The following ACER2 variants were observed in gnomAD, a reference collection of about 807,000 sequenced individuals.
ACER2 encodes the protein alkaline ceramidase 2.
Under a neutral mutation model 34.7 loss-of-function variants are expected in ACER2, and 26 were observed. The observed-to-expected ratio is 0.75, with a 90% CI of 0.55 to 1.04. The LOEUF is 1.04. ACER2 is among the 50% of genes least tolerant of loss of function. The pLI is 0.00. For synonymous variants in ACER2, 138 were observed against 132.1 expected, an observed-to-expected ratio of 1.04 and a Z score of -0.31; for missense variants, 352 against 340.8, an observed-to-expected ratio of 1.03 and a Z score of -0.26.
At chr9:19,421,166 A>G (rs954493634) in intron 1 of ACER2, among the ~76,000 whole-genome samples, 6 of 152,360 alleles carry the variant, frequency 3.9e-5, no homozygotes, top group African/African-American at 1.2e-4. Context: ...GAAAAGTATC[A>G]GGAAAAATGT....
chr9:19,410,006 G>T (rs1191786937), intron 1 of ACER2: 3 of 891,392 alleles, frequency 3.4e-6, no homozygotes, highest in South Asian at 1.0e-4. Context: ...CTTATTTTGT[G>T]TATGTCCATG....
chr9:19,409,276 G>C, intron 1 of ACER2, 84 bp downstream of exon 1: 2 of 1,356,206 alleles, frequency 1.5e-6, no homozygotes, highest in Non-Finnish European at 2.0e-6. Flanking sequence ...GCTGGACGTG[G>C]GTCTCTGCGC....
At chr9:19,430,319 T>C (rs961028946) in intron 3 of ACER2, among the ~76,000 whole-genome samples, 1 of 152,188 alleles carries the variant, frequency 6.6e-6, no homozygotes, top group African/African-American at 2.4e-5. Flanking sequence ...GATTAGAGAA[T>C]ACAGGAAGCA....
At position 19,446,953 on chromosome 9, in the gene ACER2, A is replaced by G. The variant is rs533051915; in HGVS notation, c.641+535A>G. The stretch of plus-strand genomic sequence containing the variant: ...TTTAATGTCACCCACCTGTTTCTGT[A>G]GAAAACAACCTTGGAGTTCAGTAAT... On this transcript the variant is annotated intron_variant, in intron 5 of 5. Transcript: ENST00000340967. 3.4e-4 allele frequency among the ~76,000 whole-genome samples: 52 copies of G among 152,290 alleles called. 1 individual carries two copies. The South Asian group carries it at 0.011, about 31-fold the overall frequency.
chr9:19,443,784 G>A (rs1195419601), intron 4 of ACER2, among the ~76,000 whole-genome samples: 1 of 151,896 alleles, frequency 6.6e-6, no homozygotes, highest in African/African-American at 2.4e-5. Context: ...AGCCTCCCAA[G>A]TAGCTGGGAT....
intron 3 of ACER2, among the ~76,000 whole-genome samples, chr9:19,429,772 G>C (rs1420342191): frequency 6.6e-6 from 1 of 152,206 alleles, no homozygotes; most frequent in Non-Finnish European, 1.5e-5. Flanking sequence ...CTTCCTGGAT[G>C]AGTTGAGGCT....
intron 4 of ACER2, among the ~76,000 whole-genome samples, chr9:19,445,922 G>C (rs899699864): frequency 2.0e-5 from 3 of 152,206 alleles, no homozygotes; most frequent in African/African-American, 7.2e-5. Flanking sequence ...GAGATATTTT[G>C]AAGGGAGAGC....
chr9:19,434,945 AG>A lies in ACER2; in HGVS notation c.368del, dbSNP rs1371797361. Reference sequence around the variant, plus strand: ...GATTTGGTTTTGCTTTCATGGATTCAGGGGTAGGTTCAAGGTGGTGGTCAGT... The same window carrying A: ...GATTTGGTTTTGCTTTCATGGATTCAGGGTAGGTTCAAGGTGGTGGTCAGT... On this transcript the variant is annotated splice_acceptor_variant, in intron 3 of 5. Coordinates refer to ENST00000340967, the MANE Select transcript of ACER2 (RefSeq NM_001010887.3). LOFTEE classifies it high-confidence loss of function. The A allele has an allele frequency of 6.2e-7, 1 of 1,613,136 alleles. No homozygotes were observed. Among genetic ancestry groups the A allele is most frequent in the African/African-American group, 1.3e-5 (1 of 74,912 alleles).
intron 1 of ACER2, among the ~76,000 whole-genome samples, chr9:19,423,511 G>C (rs573270016): frequency 1.4e-4 from 21 of 152,268 alleles, no homozygotes; most frequent in Middle Eastern, 3.4e-3. Flanking sequence ...AGACCAGCCC[G>C]GCCAACATGG....
rs73645403 is a variant in ACER2, at chr9:19,409,982, G to C, written c.108+790G>C. On this transcript the variant is annotated intron_variant, in intron 1 of 5. Coordinates refer to ENST00000340967, the MANE Select transcript of ACER2 (RefSeq NM_001010887.3). ...TGTGGTAGGGAAGGGTTGCAGCTGG[G>C]AGAGGAAATGCCTCTTATTTTGTGT... The C allele has an allele frequency of 7.3e-3, 7,059 of 963,038 alleles. 383 individuals carry two copies. The African/African-American group carries it at 0.12, about 16-fold the overall frequency. 59.7% of individuals were successfully genotyped at this position (963,038 alleles called of 1,614,324 possible).
At chr9:19,430,419 C>T (rs1830716468) in intron 3 of ACER2, among the ~76,000 whole-genome samples, 1 of 152,130 alleles carries the variant, frequency 6.6e-6, no homozygotes, top group Non-Finnish European at 1.5e-5. Context: ...TGTCATCAAT[C>T]ACAGTTTAGA....
chr9:19,425,017 A>T (rs1336423073), intron 3 of ACER2, among the ~76,000 whole-genome samples, 176 bp downstream of exon 3: 1 of 152,232 alleles, frequency 6.6e-6, no homozygotes, highest in Non-Finnish European at 1.5e-5. Context: ...AAACTGACAG[A>T]TTAAAGAGAG....
At chr9:19,429,725 A>G (rs1033928517) in intron 3 of ACER2, among the ~76,000 whole-genome samples, 1 of 152,326 alleles carries the variant, frequency 6.6e-6, no homozygotes, top group Non-Finnish European at 1.5e-5. Flanking sequence ...TTGAATAGCA[A>G]GGGAGCAGTC....
chr9:19,450,396 G>A, intron 5 of ACER2, 54 bp from the exon 6 acceptor site: 6 of 1,495,446 alleles, frequency 4.0e-6, no homozygotes, highest in Non-Finnish European at 4.5e-6. Flanking sequence ...GCTAAACTCA[G>A]GGCAGCGGAG....
chr9:19,410,338 T>C lies in ACER2; in HGVS notation c.108+1146T>C, dbSNP rs559242943. Among the ~76,000 whole-genome samples the C allele has an allele frequency of 7.6e-4, 116 of 152,306 alleles. 2 individuals carry two copies. The South Asian group carries it at 0.023, about 30-fold the overall frequency. On this transcript the variant is annotated intron_variant, in intron 1 of 5. Transcript: ENST00000340967. ...ACAATCCAGAAGTCTGGGCCCTTCC[T>C]TCCCTCAGTGCTGAAATCCATGGCT...
At chr9:19,437,394 G>T (rs972961491) in intron 4 of ACER2, among the ~76,000 whole-genome samples, 3 of 152,098 alleles carry the variant, frequency 2.0e-5, no homozygotes, top group Admixed American at 2.0e-4. Context: ...GCCACCTCAG[G>T]TGATTGCTGG....
chr9:19,446,317 C>T lies in ACER2; in HGVS notation c.540C>T (p.Phe180=). 1 of 1,614,190 alleles carries T rather than the reference C, an allele frequency of 6.2e-7. No individual in the cohort carries two copies. Among genetic ancestry groups the T allele is most frequent in the Non-Finnish European group, 8.5e-7 (1 of 1,180,046 alleles). The change falls in exon 5 of 6, where the codon TTC becomes TTT. Residue 180 remains phenylalanine (F), a synonymous_variant. Coordinates refer to ENST00000340967, the MANE Select transcript of ACER2 (RefSeq NM_001010887.3). ...TGCGTGTGTTTAAGCTGGGCCTCTTCTCGGGCCTCTGGTGGACCCTGGCCC... is the reference window on the plus strand; with the variant it reads ...TGCGTGTGTTTAAGCTGGGCCTCTTTTCGGGCCTCTGGTGGACCCTGGCCC... ...DNMRVFKLGL[F]SGLWWTLALF...
intron 1 of ACER2, among the ~76,000 whole-genome samples, chr9:19,419,717 C>T (rs1005965150): frequency 5.9e-5 from 9 of 152,160 alleles, no homozygotes; most frequent in South Asian, 2.1e-4. Flanking sequence ...AAGGTGAGAT[C>T]GTGCCGTTGC....
intron 4 of ACER2, among the ~76,000 whole-genome samples, chr9:19,441,014 C>T (rs571029353): frequency 2.1e-4 from 32 of 152,040 alleles, no homozygotes; most frequent in African/African-American, 6.5e-4. Context: ...CTTCCCCAAA[C>T]ATGCCATTTC....
Sources: allele counts gnomAD v4.1 joint callset (sites outside exome capture counted in the v4.1 genomes callset), GRCh38; gene constraint gnomAD v4.1.1; transcripts MANE v1.5; gene names NCBI Gene and HGNC (gene_info 2026-07-23, HGNC 2026-07-21).